The following VPS13B variants were observed in gnomAD, a reference collection of about 807,000 sequenced individuals.
VPS13B encodes the protein vacuolar protein sorting 13 homolog B.
Under a neutral mutation model 426.4 loss-of-function variants are expected in VPS13B, and 285 were observed. The ratio of observed to expected loss-of-function variants is 0.67; its 90% CI spans 0.61 to 0.74. The LOEUF (loss-of-function observed/expected upper bound fraction) is 0.74. Among genes scored for constraint, VPS13B ranks in the 30% least tolerant of loss-of-function variants. VPS13B has a pLI of 0.00. For synonymous variants in VPS13B, 1,676 were observed against 1,676.4 expected, an observed-to-expected ratio of 1.00 and a Z score of 0.01; for missense variants, 4,537 against 4,782.6, an observed-to-expected ratio of 0.95 and a Z score of 1.51.
intron 30 of VPS13B, among the ~76,000 whole-genome samples, chr8:99,554,892 T>C (rs77478418): frequency 0.044 from 6,751 of 152,184 alleles, 252 homozygotes; most frequent in Non-Finnish European, 0.061. Context: ...ATGAGCCCTA[T>C]TTCTCATGCA....
intron 17 of VPS13B, among the ~76,000 whole-genome samples, chr8:99,245,709 T>C (rs1163639398): frequency 6.6e-6 from 1 of 152,170 alleles, no homozygotes; most frequent in African/African-American, 2.4e-5. Flanking sequence ...GTCTGGCTAA[T>C]ATTTCTATTG....
At chr8:99,858,871 A>T (rs1816689633) in intron 56 of VPS13B, among the ~76,000 whole-genome samples, 1 of 152,166 alleles carries the variant, frequency 6.6e-6, no homozygotes. Flanking sequence ...CATGCCATTG[A>T]GCATCTGGCC....
intron 2 of VPS13B, among the ~76,000 whole-genome samples, chr8:99,035,801 A>G (rs532766038): frequency 1.4e-4 from 22 of 152,316 alleles, no homozygotes; most frequent in South Asian, 4.1e-4. Context: ...GTGTATAAGT[A>G]TTCCATTTTC....
At chr8:99,776,109 G>C (rs1394628910) in intron 40 of VPS13B, among the ~76,000 whole-genome samples, 1 of 152,128 alleles carries the variant, frequency 6.6e-6, no homozygotes, top group Non-Finnish European at 1.5e-5. Flanking sequence ...GGACAATCTG[G>C]AGAAGTAAAA....
chr8:99,784,202 AC>A, intron 42 of VPS13B, 112 bp from the exon 43 acceptor site: 1 of 1,354,282 alleles, frequency 7.4e-7, no homozygotes, highest in Non-Finnish European at 1.1e-6. Context: ...AGAGCTAATG[AC>A]AACAGATCTT....
chr8:99,423,615 C>T (rs1233320272), intron 21 of VPS13B, among the ~76,000 whole-genome samples: 2 of 151,888 alleles, frequency 1.3e-5, no homozygotes, highest in Non-Finnish European at 2.9e-5. Context: ...TGTTGCAGTT[C>T]CATTCTATAG....
At position 99,544,200 on chromosome 8, in the gene VPS13B, G is replaced by A. The variant is rs1823813900; in HGVS notation, c.4746-12250G>A. Among the ~76,000 whole-genome samples the A allele has an allele frequency of 5.9e-5, 9 of 152,098 alleles. No homozygotes were observed. The South Asian group carries it at 1.9e-3, about 32-fold the overall frequency. ...AAGCTGGAAACCATCATTCTCAGTAGACTATCGCAAGAACAAAAAACCAAA... is the reference window on the plus strand; with the variant it reads ...AAGCTGGAAACCATCATTCTCAGTAAACTATCGCAAGAACAAAAAACCAAA... On this transcript the variant is annotated intron_variant, in intron 30 of 61. Coordinates refer to ENST00000357162, the MANE Select transcript of VPS13B (RefSeq NM_152564.5).
At chr8:99,825,609 C>G (rs1256561638) in intron 51 of VPS13B, among the ~76,000 whole-genome samples, 3 of 152,078 alleles carry the variant, frequency 2.0e-5, no homozygotes, top group Non-Finnish European at 4.4e-5. Flanking sequence ...CTTTTGTTGC[C>G]ATTGCTTTTG....
intron 33 of VPS13B, among the ~76,000 whole-genome samples, chr8:99,611,009 T>C (rs1206981211): frequency 6.6e-6 from 1 of 152,204 alleles, no homozygotes; most frequent in Non-Finnish European, 1.5e-5. Flanking sequence ...ATAGAAAAAC[T>C]GTTAGATTTG....
intron 15 of VPS13B, among the ~76,000 whole-genome samples, chr8:99,159,599 G>A (rs1257795212): frequency 1.3e-5 from 2 of 152,108 alleles, no homozygotes; most frequent in East Asian, 3.9e-4. Flanking sequence ...TGAACATCAA[G>A]GCAAAAAGGT....
chr8:99,840,284 A>G (rs76504493), intron 54 of VPS13B, among the ~76,000 whole-genome samples: 4,055 of 152,368 alleles, frequency 0.027, 82 homozygotes, highest in Non-Finnish European at 0.041. Context: ...GGTCTTTATC[A>G]TATGACTTGC....
At position 99,100,986 on chromosome 8, in the gene VPS13B, G is replaced by A. The variant is rs369107116; in HGVS notation, c.413-1967G>A. Among the ~76,000 whole-genome samples the A allele has an allele frequency of 1.3e-4, 19 of 151,866 alleles. No homozygotes were observed. The East Asian group carries it at 1.8e-3, about 14-fold the overall frequency. On this transcript the variant is annotated intron_variant, in intron 4 of 61. Coordinates refer to ENST00000357162, the MANE Select transcript of VPS13B (RefSeq NM_152564.5). ...TTGAACCCGGGAGGCGGAGGTTGTC[G>A]TGAGTTGAGATCATGCCATTGCACT...
intron 24 of VPS13B, among the ~76,000 whole-genome samples, chr8:99,481,392 A>G (rs544329127): frequency 3.3e-5 from 5 of 152,338 alleles, no homozygotes; most frequent in African/African-American, 1.2e-4. Context: ...GTTTTAATCC[A>G]CAGGAATGCT....
intron 7 of VPS13B, among the ~76,000 whole-genome samples, chr8:99,119,878 T>G (rs773055783): frequency 1.3e-5 from 2 of 151,982 alleles, no homozygotes; most frequent in South Asian, 2.1e-4. Context: ...GGTGTTTTTT[T>G]TTTGTTTGTT....
intron 33 of VPS13B, among the ~76,000 whole-genome samples, chr8:99,640,401 G>A (rs1829309986): frequency 1.3e-5 from 2 of 151,668 alleles, no homozygotes; most frequent in Non-Finnish European, 2.9e-5. Context: ...TAAGTAGCTG[G>A]GACCACAGGG....
intron 25 of VPS13B, among the ~76,000 whole-genome samples, chr8:99,494,502 T>C (rs986602771): frequency 6.6e-6 from 1 of 152,156 alleles, no homozygotes; most frequent in Non-Finnish European, 1.5e-5. Context: ...ATTGTTTGCT[T>C]TTAATGCATA....
intron 24 of VPS13B, among the ~76,000 whole-genome samples, chr8:99,469,700 A>T (rs1819299998): frequency 6.6e-6 from 1 of 152,170 alleles, no homozygotes; most frequent in African/African-American, 2.4e-5. Flanking sequence ...CCCCGCAAAA[A>T]TATATGTTGA....
chr8:99,038,564 C>A lies in VPS13B; in HGVS notation c.289C>A (p.Gln97Lys). Residue 97 changes from glutamine to lysine, a missense_variant and splice_region_variant, in exon 3 of 62, where the codon CAG becomes AAG. Gln to Lys is a moderately conservative substitution (Grantham distance 53). Coordinates refer to ENST00000357162, the MANE Select transcript of VPS13B (RefSeq NM_152564.5). ...ECILKLKDGI[Q>K]DDHESCGSNS... ...CATTTTGAAACTTAAGGATGGGATA[C>A]AGGTAAGAAATTATTGAACCAAGTT... The A allele has an allele frequency of 1.1e-5, 18 of 1,609,182 alleles. No homozygotes were observed. The highest frequency in any genetic ancestry group is 1.5e-5 in the Non-Finnish European group (18 of 1,177,616).
rs531926739 is a variant in VPS13B at position 99,447,028 on chromosome 8, G to A, written c.3445+4393G>A. ...GGCTTCCTTTTATCTCTTTCTGCAT[G>A]AAACTTTTAACTTACGTGATTGCCT... On this transcript the variant is annotated intron_variant, in intron 23 of 61. Coordinates refer to ENST00000357162, the MANE Select transcript of VPS13B (RefSeq NM_152564.5). 3.3e-4 allele frequency among the ~76,000 whole-genome samples: 50 copies of A among 152,162 alleles called. No homozygotes were observed. In the South Asian group the frequency reaches 0.01, roughly 32 times the overall value.
Sources: allele counts gnomAD v4.1 joint callset (sites outside exome capture counted in the v4.1 genomes callset), GRCh38; gene constraint gnomAD v4.1.1; transcripts MANE v1.5; gene names NCBI Gene and HGNC (gene_info 2026-07-23, HGNC 2026-07-21).